The following ARHGAP6 variants were observed in gnomAD, a reference collection of about 807,000 sequenced individuals.
The protein encoded by ARHGAP6 is rho GTPase-activating protein 6.
Under a neutral mutation model 55.7 loss-of-function variants are expected in ARHGAP6, and 16 were observed. The observed-to-expected ratio is 0.29, with a 90% CI of 0.19 to 0.44. The LOEUF is 0.44. Ranked by LOEUF, ARHGAP6 falls within the 20% of genes least tolerant of loss-of-function variation. The pLI is 1.00. For missense variants in ARHGAP6, 698 were observed against 808.9 expected (o/e 0.86, Z 1.66); for synonymous variants, 382 against 360.9 (o/e 1.06, Z -0.66).
intron 4 of ARHGAP6, among the ~76,000 whole-genome samples, chrX:11,187,338 C>T (rs1277596679): frequency 9.0e-6 from 1 of 111,070 alleles, no homozygotes; most frequent in East Asian, 2.8e-4. Context: ...ATTTGCCGCA[C>T]CCATACTTGA....
chrX:11,230,702 T>C (rs1206403581), intron 2 of ARHGAP6, among the ~76,000 whole-genome samples: 1 of 110,030 alleles, frequency 9.1e-6, no homozygotes, highest in Non-Finnish European at 1.9e-5. Context: ...TATACATGTA[T>C]GTATATAGAT....
chrX:11,243,453 CA>C (rs2047311468), intron 2 of ARHGAP6, among the ~76,000 whole-genome samples: 1 of 112,247 alleles, frequency 8.9e-6, no homozygotes, highest in Non-Finnish European at 1.9e-5. Flanking sequence ...TCTCAGTCAT[CA>C]AACAAGATAG....
chrX:11,345,617 A>T (rs952749173), intron 1 of ARHGAP6, among the ~76,000 whole-genome samples: 1 of 111,834 alleles, frequency 8.9e-6, no homozygotes, highest in Non-Finnish European at 1.9e-5. Context: ...GACTATGTAG[A>T]CCCCATGGGG....
intron 1 of ARHGAP6, among the ~76,000 whole-genome samples, chrX:11,523,909 T>A (rs940622819): frequency 2.7e-5 from 3 of 111,791 alleles, no homozygotes; most frequent in African/African-American, 9.8e-5. Flanking sequence ...AGTCTGGGTT[T>A]ATAAGCAGGC....
intron 1 of ARHGAP6, among the ~76,000 whole-genome samples, chrX:11,579,616 C>T (rs927578058): frequency 1.4e-4 from 16 of 112,032 alleles, no homozygotes; most frequent in African/African-American, 5.2e-4. Context: ...CTAAGGGTCA[C>T]TTATCTGGGG....
intron 1 of ARHGAP6, among the ~76,000 whole-genome samples, chrX:11,332,356 A>G (rs975717598): frequency 6.3e-5 from 7 of 111,910 alleles, no homozygotes; most frequent in African/African-American, 2.3e-4. Context: ...TTAATTTGCA[A>G]CTTTTTTCTT....
intron 1 of ARHGAP6, among the ~76,000 whole-genome samples, chrX:11,304,053 G>T (rs1603047908): frequency 1.8e-5 from 2 of 110,953 alleles, no homozygotes; most frequent in Non-Finnish European, 3.8e-5. Flanking sequence ...GATATGACAT[G>T]GAAGTTTTTG....
At chrX:11,639,185 A>G (rs1416515806) in intron 1 of ARHGAP6, among the ~76,000 whole-genome samples, 1 of 111,479 alleles carries the variant, frequency 9.0e-6, no homozygotes. Flanking sequence ...GCAGATTATG[A>G]AAAGAGTATA....
intron 1 of ARHGAP6, among the ~76,000 whole-genome samples, chrX:11,333,317 C>T (rs1043469700): frequency 9.0e-6 from 1 of 111,454 alleles, no homozygotes; most frequent in African/African-American, 3.3e-5. Context: ...ATAGTGAGTT[C>T]TCACGAGATC....
intron 1 of ARHGAP6, among the ~76,000 whole-genome samples, chrX:11,456,952 A>T (rs2050199187): frequency 1.8e-5 from 2 of 111,832 alleles, no homozygotes; most frequent in African/African-American, 3.3e-5. Context: ...TACTTAGAGG[A>T]ACACAATGCT....
At chrX:11,392,398 TA>T (rs746765075) in intron 1 of ARHGAP6, among the ~76,000 whole-genome samples, 3 of 111,568 alleles carry the variant, frequency 2.7e-5, no homozygotes, top group South Asian at 7.6e-4. Context: ...TATCACGAGT[TA>T]ATTAATCAAT....
intron 10 of ARHGAP6, among the ~76,000 whole-genome samples, chrX:11,154,386 T>A (rs1212972940): frequency 8.9e-6 from 1 of 112,364 alleles, no homozygotes; most frequent in Non-Finnish European, 1.9e-5. Context: ...ATGGGCTTAA[T>A]ATGTGTGCTT....
intron 1 of ARHGAP6, among the ~76,000 whole-genome samples, chrX:11,639,192 T>A (rs777454380): frequency 1.8e-5 from 2 of 110,946 alleles, no homozygotes; most frequent in Non-Finnish European, 3.8e-5. Context: ...ATGAAAAGAG[T>A]ATAAATTATT....
intron 1 of ARHGAP6, among the ~76,000 whole-genome samples, chrX:11,556,715 A>G (rs2051323105): frequency 8.9e-6 from 1 of 111,923 alleles, no homozygotes; most frequent in African/African-American, 3.2e-5. Context: ...GGTGGCCCTT[A>G]TTTTCAGGAA....
chrX:11,297,572 C>T (rs2048107681), intron 1 of ARHGAP6, among the ~76,000 whole-genome samples: 1 of 112,107 alleles, frequency 8.9e-6, no homozygotes, highest in African/African-American at 3.2e-5. Flanking sequence ...AATCCTCAAA[C>T]CTAAGGCTAA....
intron 2 of ARHGAP6, among the ~76,000 whole-genome samples, chrX:11,218,283 A>G (rs1357541008): frequency 8.9e-6 from 1 of 112,117 alleles, no homozygotes; most frequent in Non-Finnish European, 1.9e-5. Context: ...ATAGCATTGA[A>G]TCTGTAAATT....
At chrX:11,243,394 A>T (rs1322878337) in intron 2 of ARHGAP6, among the ~76,000 whole-genome samples, 1 of 111,849 alleles carries the variant, frequency 8.9e-6, no homozygotes, top group African/African-American at 3.3e-5. Flanking sequence ...TGATTTGGGC[A>T]CTGGCAGGTG....
intron 2 of ARHGAP6, among the ~76,000 whole-genome samples, chrX:11,208,909 A>G (rs2046747574): frequency 8.9e-6 from 1 of 111,891 alleles, no homozygotes; most frequent in South Asian, 3.7e-4. Flanking sequence ...AAAAACTGTA[A>G]TTCTTTTGGG....
intron 1 of ARHGAP6, among the ~76,000 whole-genome samples, chrX:11,527,330 G>T (rs767310592): frequency 8.9e-6 from 1 of 112,009 alleles, no homozygotes; most frequent in Non-Finnish European, 1.9e-5. Context: ...TTAACCAATT[G>T]TTGCCAGGCA....
Sources: gnomAD v4.1 joint callset for allele counts (sites outside exome capture counted in the v4.1 genomes callset) on GRCh38, gnomAD v4.1.1 for gene constraint, MANE v1.5 for transcripts, NCBI Gene and HGNC (gene_info 2026-07-23, HGNC 2026-07-21) for gene names.